The following ZBTB38 variants were observed in gnomAD, a reference collection of about 807,000 sequenced individuals.
ZBTB38 encodes the protein zinc finger and BTB domain containing 38.
Under a neutral mutation model 76.8 loss-of-function variants are expected in ZBTB38, and 20 were observed. The ratio of observed to expected loss-of-function variants is 0.26; its 90% CI spans 0.18 to 0.38. The LOEUF (loss-of-function observed/expected upper bound fraction) is 0.38. Ranked by LOEUF, ZBTB38 falls within the 10% of genes least tolerant of loss-of-function variation. The pLI is 1.00. For synonymous variants in ZBTB38, 504 were observed against 544.2 expected (o/e 0.93, Z 1.03); for missense variants, 1,082 against 1,482.3 (o/e 0.73, Z 4.43).
At chr3:141,345,031 A>G (rs1165855244) in intron 1 of ZBTB38, among the ~76,000 whole-genome samples, 26 of 152,334 alleles carry the variant, frequency 1.7e-4, no homozygotes, top group Admixed American at 1.6e-3. Flanking sequence ...AGGCAGGCCT[A>G]TGGTATTTCC....
At chr3:141,364,659 A>G (rs902345590), upstream of ZBTB38, among the ~76,000 whole-genome samples, 2 of 140,576 alleles carry the variant, frequency 1.4e-5, no homozygotes, top group East Asian at 2.2e-4. Flanking sequence ...CTGAGGCAAT[A>G]AGAGGGAAAC....
intron 3 of ZBTB38, among the ~76,000 whole-genome samples, chr3:141,382,160 C>A (rs186196773): frequency 6.6e-6 from 1 of 152,202 alleles, no homozygotes; most frequent in African/African-American, 2.4e-5. Context: ...GAGGCTGAGG[C>A]GGGAGAATCG....
At chr3:141,355,219 T>C (rs1180344065) in intron 1 of ZBTB38, among the ~76,000 whole-genome samples, 1 of 152,102 alleles carries the variant, frequency 6.6e-6, no homozygotes, top group Non-Finnish European at 1.5e-5. Context: ...TGCTGTGTAA[T>C]AGCAATACCC....
chr3:141,444,012 G>A lies in ZBTB38; in HGVS notation c.1624G>A (p.Asp542Asn), dbSNP rs1316150882. The A allele has an allele frequency of 1.2e-5, 19 of 1,613,906 alleles. No individual in the cohort carries two copies. The highest frequency in any genetic ancestry group is 3.3e-5 in the South Asian group (3 of 91,056). ...KNHQKSFHAI[D>N]HRLSISKKTA... is the part of the protein sequence containing the mutation. ...TCATCAGAAGTCTTTCCATGCCATC[G>A]ATCATAGACTTTCCATCAGTAAAAA... Residue 542 changes from aspartate (D) to asparagine (N), a missense_variant, in exon 6 of 6, where the codon GAT becomes AAT. Coordinates refer to ENST00000321464, the MANE Select transcript of ZBTB38 (RefSeq NM_001376113.1). This position sits in a 1 kb window ranked among gnomAD's most constrained non-coding sequence, Gnocchi z 5.1.
chr3:141,435,854 G>A (rs1176650772), intron 5 of ZBTB38, among the ~76,000 whole-genome samples: 1 of 151,996 alleles, frequency 6.6e-6, no homozygotes, highest in African/African-American at 2.4e-5. Context: ...CCGATGGCCA[G>A]TTATCCAATT....
At chr3:141,347,691 C>T (rs1482023647) in intron 1 of ZBTB38, among the ~76,000 whole-genome samples, 1 of 152,222 alleles carries the variant, frequency 6.6e-6, no homozygotes, top group Middle Eastern at 3.2e-3. Flanking sequence ...CTCCCTAAGC[C>T]TCTCAGATGT....
chr3:141,394,118 C>T (rs970888388), intron 4 of ZBTB38: 2 of 151,710 alleles, frequency 1.3e-5, no homozygotes, highest in Admixed American at 6.6e-5. Flanking sequence ...TCAAGTGATT[C>T]TTCTGCCTCA....
chr3:141,349,399 G>A (rs1296285957), intron 1 of ZBTB38, among the ~76,000 whole-genome samples: 1 of 152,188 alleles, frequency 6.6e-6, no homozygotes, highest in Non-Finnish European at 1.5e-5. Context: ...TCATGCAGCA[G>A]TTAACCGCTA....
chr3:141,397,430 T>C (rs1489664425), intron 4 of ZBTB38, among the ~76,000 whole-genome samples: 1 of 152,194 alleles, frequency 6.6e-6, no homozygotes, highest in Non-Finnish European at 1.5e-5. Context: ...GCAATAAGGC[T>C]TTCTTATCAT....
chr3:141,331,982 G>A (rs1046821613), intron 1 of ZBTB38, among the ~76,000 whole-genome samples: 1 of 152,222 alleles, frequency 6.6e-6, no homozygotes, highest in Non-Finnish European at 1.5e-5. Flanking sequence ...CAGTCTGGAA[G>A]ACGTGTGACC....
chr3:141,336,193 C>T (rs953318043), intron 1 of ZBTB38, among the ~76,000 whole-genome samples: 6 of 152,118 alleles, frequency 3.9e-5, no homozygotes, highest in African/African-American at 1.2e-4. Context: ...GTCGATGGGA[C>T]GTTTGTCTTA....
chr3:141,345,259 A>G (rs976056705), intron 1 of ZBTB38, among the ~76,000 whole-genome samples: 1 of 151,842 alleles, frequency 6.6e-6, no homozygotes, highest in African/African-American at 2.4e-5. Flanking sequence ...GTGTTCCCAG[A>G]TGGCAGAACT....
At chr3:141,340,536 T>TA (rs1943141966) in intron 1 of ZBTB38, among the ~76,000 whole-genome samples, 2 of 152,016 alleles carry the variant, frequency 1.3e-5, no homozygotes, top group Non-Finnish European at 2.9e-5. Flanking sequence ...AACTCAATAA[T>TA]AAAAAAGACA....
chr3:141,408,553 G>GA (rs961588170), intron 5 of ZBTB38, among the ~76,000 whole-genome samples: 35 of 137,710 alleles, frequency 2.5e-4, no homozygotes, highest in Non-Finnish European at 3.5e-4. Flanking sequence ...TCTCAAAAAA[G>GA]AAAAAAAAAA....
At chr3:141,390,047 C>A (rs1948375157) in intron 4 of ZBTB38, 1 of 152,054 alleles carries the variant, frequency 6.6e-6, no homozygotes, top group South Asian at 2.1e-4. Context: ...TGTATCGTAC[C>A]ATCGTCATTC....
intron 3 of ZBTB38, among the ~76,000 whole-genome samples, chr3:141,385,078 A>T (rs1946762930): frequency 6.6e-6 from 1 of 152,236 alleles, no homozygotes; most frequent in Non-Finnish European, 1.5e-5. Context: ...TTTTAAAAAA[A>T]TTCTGGGGAG....
intron 5 of ZBTB38, among the ~76,000 whole-genome samples, chr3:141,440,023 G>C (rs2079752421): frequency 6.6e-6 from 1 of 152,190 alleles, no homozygotes; most frequent in African/African-American, 2.4e-5. Flanking sequence ...GGGGCAAAGA[G>C]GAAGTCATAA....
At chr3:141,423,621 A>G (rs184777010) in intron 5 of ZBTB38, among the ~76,000 whole-genome samples, 1 of 152,352 alleles carries the variant, frequency 6.6e-6, no homozygotes, top group Non-Finnish European at 1.5e-5. Flanking sequence ...AGAAGAGGAA[A>G]GGAAAGCTTG....
At chr3:141,325,934 G>A (rs562342507) in intron 1 of ZBTB38, among the ~76,000 whole-genome samples, 3 of 152,192 alleles carry the variant, frequency 2.0e-5, no homozygotes, top group Non-Finnish European at 4.4e-5. Context: ...ACTAATGAAA[G>A]TGTTCAGAGT....
Sources: gnomAD v4.1 joint callset for allele counts (sites outside exome capture counted in the v4.1 genomes callset) on GRCh38, gnomAD v4.1.1 for gene constraint, Gnocchi (gnomAD v3.1) non-coding constraint, MANE v1.5 for transcripts, NCBI Gene and HGNC (gene_info 2026-07-23, HGNC 2026-07-21) for gene names.